The following CILP variants were observed in gnomAD, a reference collection of about 807,000 sequenced individuals.
The protein encoded by CILP is cartilage intermediate layer protein 1.
In CILP, 75 loss-of-function variants were observed where a neutral mutation model predicts 82.5. The observed-to-expected ratio is 0.91, with a 90% confidence interval of 0.75 to 1.10. The LOEUF (loss-of-function observed/expected upper bound fraction) is 1.10. Among genes scored for constraint, CILP ranks in the 50% least tolerant of loss-of-function variants. The pLI, the probability that CILP is intolerant of heterozygous loss-of-function variation, is 0.00. For synonymous variants in CILP, 530 were observed against 580.3 expected, an observed-to-expected ratio of 0.91 and a Z score of 1.25; for missense variants, 1,479 against 1,530.8, an observed-to-expected ratio of 0.97 and a Z score of 0.56.
intron 1 of CILP, among the ~76,000 whole-genome samples, chr15:65,210,583 G>A (rs906927439): frequency 3.3e-5 from 5 of 152,178 alleles, no homozygotes; most frequent in South Asian, 2.1e-4. Flanking sequence ...TGGGGCGTGC[G>A]TGGCCCAGGC....
At position 65,205,488 on chromosome 15, in the gene CILP, C is replaced by T. The variant is rs192033121; in HGVS notation, c.425-22G>A. On this transcript the variant is annotated intron_variant, in intron 4 of 8. Coordinates refer to ENST00000261883, the MANE Select transcript of CILP (RefSeq NM_003613.4). ...GATCCTGCAAAGTGAGATCAGCAGA[C>T]GGTCTGATTTCCCTCTTGAGGGAAC... The T allele has an allele frequency of 7.3e-5, 115 of 1,575,054 alleles. No individual in the cohort carries two copies. In the African/African-American group the frequency reaches 1.2e-3, roughly 16 times the overall value.
rs760776121 is a variant in CILP at position 65,198,671 on chromosome 15, G to A, written c.1615C>T (p.Leu539Phe). ...TTCTGCAGCCTGTCCACAAATGTGA[G>A]CACCAGCCTCTCAGTGTCCTGGGGG... is the stretch of plus-strand genomic sequence containing the variant. ...HVPQDTERLV[L>F]TFVDRLQKFV... The change falls in exon 9 of 9, where the codon CTC becomes TTC. Residue 539 changes from leucine to phenylalanine, a missense_variant. By Grantham distance (22) the Leu-to-Phe change is conservative (BLOSUM62 0). Coordinates refer to ENST00000261883, the MANE Select transcript of CILP (RefSeq NM_003613.4). The A allele has an allele frequency of 9.9e-6, 16 of 1,614,218 alleles. No homozygotes were observed. The highest frequency in any genetic ancestry group is 9.9e-5 in the South Asian group (9 of 91,090).
At position 65,204,487 on chromosome 15, in the gene CILP, C is replaced by T. The variant is rs764398648; in HGVS notation, c.700G>A (p.Gly234Arg). The change falls in exon 6 of 9, where the codon GGA becomes AGA. Residue 234 changes from glycine (G) to arginine (R), a missense_variant. Transcript: ENST00000261883. The stretch of plus-strand genomic sequence containing the variant: ...GCAGCCCCTGAGGCTGGGGCACCTC[C>T]GGGAAGGGAGACAGCCCCATGAAGC... The part of the protein sequence containing the change: ...FMLHGAVSLP[G>R]GAPASGAAIY... 20 of 1,613,802 alleles carry T rather than the reference C, an allele frequency of 1.2e-5. No individual in the cohort carries two copies. The highest frequency in any genetic ancestry group is 2.7e-5 in the African/African-American group (2 of 74,906).
intron 6 of CILP, 139 bp downstream of exon 6, chr15:65,204,129 T>A (rs746911674): frequency 1.2e-5 from 8 of 687,866 alleles, no homozygotes; most frequent in Non-Finnish European, 1.7e-5. Flanking sequence ...GAGGGCCAGA[T>A]AATATAGTGC....
In CILP at chr15:65,198,751, A is replaced by G. The variant is rs1267117508; in HGVS notation, c.1535T>C (p.Met512Thr). Residue 512 changes from methionine to threonine, a missense_variant, in exon 9 of 9, where the codon ATG (methionine) becomes ACG (threonine). Met to Thr is a moderately conservative substitution (Grantham distance 81, BLOSUM62 -1). Transcript: ENST00000261883. ...AGTCATGCTTACACGGCTGTTCCCC[A>G]TGTACACATGGCCAAAGCGCATGGG... The part of the protein sequence containing the change: ...GEPMRFGHVY[M>T]GNSRVSMTGY... 1.9e-6 allele frequency: 3 copies of G among 1,614,072 alleles called. No individual in the cohort carries two copies. The highest frequency in any genetic ancestry group is 2.7e-5 in the African/African-American group (2 of 74,926).
At chr15:65,199,232 A>AG in intron 8 of CILP, 133 bp from the exon 9 acceptor site, 1 of 649,450 alleles carries the variant, frequency 1.5e-6, no homozygotes, top group Non-Finnish European at 2.6e-6. Context: ...TTCTCACAGA[A>AG]CTCTCTGAGA....
chr15:65,194,879 C>T lies in CILP; in HGVS notation c.*1852G>A, dbSNP rs974011198. ...CCCACCCCCCCCCGACCCTCCCCCT[C>T]CCCCCGTGAGTTTGAAGTGAACTGG... On this transcript the variant is annotated 3_prime_UTR_variant, in exon 9 of 9. Coordinates refer to ENST00000261883, the MANE Select transcript of CILP (RefSeq NM_003613.4). 4 of 147,666 alleles carry T rather than the reference C, an allele frequency of 2.7e-5. No homozygotes were observed. Among genetic ancestry groups the T allele is most frequent in the African/African-American group, 5.0e-5 (2 of 39,888 alleles). The allele number at this position is 147,666 out of a possible 1,614,324, so 9.1% of individuals were successfully genotyped here.
At position 65,204,512 on chromosome 15, in the gene CILP, C is replaced by T. The variant is rs557999384; in HGVS notation, c.675G>A (p.Met225Ile). 6.2e-7 allele frequency: 1 copy of T among 1,613,812 alleles called. No homozygotes were observed. Among genetic ancestry groups the T allele is most frequent in the African/African-American group, 1.3e-5 (1 of 75,036 alleles). Residue 225 changes from methionine (M) to isoleucine (I), a missense_variant, in exon 6 of 9, where the codon ATG becomes ATA. Coordinates refer to ENST00000261883, the MANE Select transcript of CILP (RefSeq NM_003613.4). ...CGGGAAGGGAGACAGCCCCATGAAG[C>T]ATGAAGTCCTGGCACATGCAGGCAT... is the stretch of plus-strand genomic sequence containing the variant. ...DCDACMCQDF[M>I]LHGAVSLPGG... is the part of the protein sequence containing the mutation.
Position 65,205,276 on chromosome 15 carries a change from G to A in CILP, c.604+11C>T, listed in dbSNP as rs367623719. 5.0e-6 allele frequency: 8 copies of A among 1,584,400 alleles called. No individual in the cohort carries two copies. In the African/African-American group the frequency reaches 6.7e-5, roughly 13 times the overall value. On this transcript the variant is annotated intron_variant, in intron 5 of 8. Coordinates refer to ENST00000261883, the MANE Select transcript of CILP (RefSeq NM_003613.4). ...CCACACCCTGCCCAGTGCCAGGAGG[G>A]AGGGTGGTACCTGTACAGTCCTGGC...
Position 65,194,965 on chromosome 15 carries a change from GA to G in CILP, c.*1765del, listed in dbSNP as rs2088345596. 2 of 151,512 alleles carry G rather than the reference GA, an allele frequency of 1.3e-5. No homozygotes were observed. Among genetic ancestry groups the G allele is most frequent in the Non-Finnish European group, 2.9e-5 (2 of 68,056 alleles). 9.4% of individuals were successfully genotyped at this position (151,512 alleles called of 1,614,324 possible). ...AAGTGGCTGGGGCGATGGTGCTGCA[GA>G]TAGCTGTGCACTCACAACAGGGGCA... On this transcript the variant is annotated 3_prime_UTR_variant, in exon 9 of 9. Transcript: ENST00000261883.
At chr15:65,209,089 G>A (rs2088557728) in intron 2 of CILP, among the ~76,000 whole-genome samples, 1 of 149,400 alleles carries the variant, frequency 6.7e-6, no homozygotes, top group Admixed American at 6.7e-5. Flanking sequence ...AAGGGGAGGA[G>A]GTGGGAGAGA....
chr15:65,209,949 G>GGA (rs1400685197), intron 1 of CILP, 88 bp from the exon 2 acceptor site: 4 of 572,824 alleles, frequency 7.0e-6, no homozygotes, highest in Non-Finnish European at 1.3e-5. Context: ...TGTCAAGGAG[G>GGA]GAAAGGTGGA....
chr15:65,206,460 C>T (rs1202920526), intron 4 of CILP, among the ~76,000 whole-genome samples: 1 of 152,128 alleles, frequency 6.6e-6, no homozygotes, highest in African/African-American at 2.4e-5. Context: ...ATATTGCGGG[C>T]TCAGAATTCA....
rs2088580981 is a variant in CILP, at chr15:65,211,033, TG to T, written c.-107+394del. 5.3e-5 allele frequency among the ~76,000 whole-genome samples: 8 copies of T among 152,366 alleles called. No homozygotes were observed. The South Asian group carries it at 1.7e-3, about 32-fold the overall frequency. Reference sequence around the variant, plus strand: ...CCTTGTGGAAAAACCATTTCCCATCTGGCAGCCCACAGAGGTTTCTCAGCAT... The same window carrying T: ...CCTTGTGGAAAAACCATTTCCCATCTGCAGCCCACAGAGGTTTCTCAGCAT... On this transcript the variant is annotated intron_variant, in intron 1 of 8. Coordinates refer to ENST00000261883, the MANE Select transcript of CILP (RefSeq NM_003613.4).
intron 1 of CILP, among the ~76,000 whole-genome samples, 175 bp from the exon 2 acceptor site, chr15:65,210,036 G>C (rs1488942740): frequency 6.6e-6 from 1 of 152,184 alleles, no homozygotes; most frequent in Non-Finnish European, 1.5e-5. Context: ...CAGAATCTGA[G>C]TTCAAATGAG....
chr15:65,204,626 G>A (rs765697893), intron 5 of CILP, 44 bp from the exon 6 acceptor site: 38 of 1,550,516 alleles, frequency 2.5e-5, no homozygotes, highest in Non-Finnish European at 3.3e-5. Flanking sequence ...TATGGATTCT[G>A]GCATTCCTTC....
At chr15:65,208,693 G>T (rs899039641) in intron 2 of CILP, among the ~76,000 whole-genome samples, 1 of 152,192 alleles carries the variant, frequency 6.6e-6, no homozygotes, top group South Asian at 2.1e-4. Flanking sequence ...CTGGGTTGGG[G>T]TCTCCAGAAT....
At position 65,194,855 on chromosome 15, in the gene CILP, C is replaced by T. The variant is rs1190241586; in HGVS notation, c.*1876G>A. The T allele has an allele frequency of 1.5e-5, 2 of 137,260 alleles. No individual in the cohort carries two copies. Among genetic ancestry groups the T allele is most frequent in the African/African-American group, 5.4e-5 (2 of 36,980 alleles). The allele number at this position is 137,260 out of a possible 1,614,324, so 8.5% of individuals were successfully genotyped here. ...CAGTCAGCCCACCTTCCCCAGCAAC[C>T]CACCCCCCCCCGACCCTCCCCCTCC... On this transcript the variant is annotated 3_prime_UTR_variant, in exon 9 of 9. Coordinates refer to ENST00000261883, the MANE Select transcript of CILP (RefSeq NM_003613.4).
chr15:65,204,376 C>T lies in CILP; in HGVS notation c.811G>A (p.Gly271Ser). Residue 271 changes from glycine (G) to serine (S), a missense_variant, in exon 6 of 9, where the codon GGC (glycine) becomes AGC (serine). Gly to Ser is a moderately conservative substitution (Grantham distance 56). Coordinates refer to ENST00000261883, the MANE Select transcript of CILP (RefSeq NM_003613.4). ...RFRIPGLCPD[G>S]KSILKITKVK... ...TTTGTGATCTTCAGGATGCTTTTGC[C>T]ATCAGGGCACAAGCCAGGGATTCGG... is the stretch of plus-strand genomic sequence containing the variant. 6.2e-7 allele frequency: 1 copy of T among 1,614,164 alleles called. No homozygotes were observed. Among genetic ancestry groups the T allele is most frequent in the Non-Finnish European group, 8.5e-7 (1 of 1,180,030 alleles).
Sources: gnomAD v4.1 joint callset for allele counts (sites outside exome capture counted in the v4.1 genomes callset) on GRCh38, gnomAD v4.1.1 for gene constraint, MANE v1.5 for transcripts, NCBI Gene and HGNC (gene_info 2026-07-23, HGNC 2026-07-21) for gene names.